Variants in USH2A observed in about 807,000 individuals in gnomAD.
The protein encoded by USH2A is Usher syndrome 2A (autosomal recessive, mild).
A neutral mutation model predicts 538.9 loss-of-function variants in USH2A; 443 were observed. The observed-to-expected ratio is 0.82, with a 90% CI of 0.76 to 0.89. USH2A has a LOEUF of 0.89. Among genes scored for constraint, USH2A ranks in the 40% least tolerant of loss-of-function variants. The pLI is 0.00. For missense variants in USH2A, 6,633 were observed against 6,324.8 expected, an observed-to-expected ratio of 1.05 and a Z score of -1.65; for synonymous variants, 2,413 against 2,273.5, an observed-to-expected ratio of 1.06 and a Z score of -1.75.
intron 3 of USH2A, among the ~76,000 whole-genome samples, chr1:216,403,114 G>A (rs1027374431): frequency 6.6e-6 from 1 of 152,086 alleles, no homozygotes; most frequent in African/African-American, 2.4e-5. Flanking sequence ...TTTCAGGTAT[G>A]TAAGGTTGGT....
At chr1:216,247,489 T>C (rs1464606410) in intron 12 of USH2A, among the ~76,000 whole-genome samples, 1 of 152,220 alleles carries the variant, frequency 6.6e-6, no homozygotes, top group African/African-American at 2.4e-5. Flanking sequence ...CAAATGTTGT[T>C]TCTGTTACAT....
At chr1:215,714,587 T>A (rs6656554) in intron 61 of USH2A, among the ~76,000 whole-genome samples, 1 of 152,020 alleles carries the variant, frequency 6.6e-6, no homozygotes, top group Non-Finnish European at 1.5e-5. Flanking sequence ...TAAAGGGCAA[T>A]TTATATCCTG....
At chr1:215,630,472 A>G (rs1170605259) in intron 70 of USH2A, among the ~76,000 whole-genome samples, 46 of 64,062 alleles carry the variant, frequency 7.2e-4, no homozygotes, top group South Asian at 2.8e-3. Flanking sequence ...ATGTATGTGT[A>G]TGTGTGTGTG....
intron 35 of USH2A, among the ~76,000 whole-genome samples, chr1:215,983,864 G>C (rs1394722769): frequency 6.6e-6 from 1 of 152,200 alleles, no homozygotes; most frequent in Non-Finnish European, 1.5e-5. Flanking sequence ...AGTTGGCTAG[G>C]AGCCAGTAAA....
intron 47 of USH2A, among the ~76,000 whole-genome samples, chr1:215,826,032 CAGTT>C (rs111499926): frequency 0.01 from 1,525 of 152,282 alleles, 20 homozygotes; most frequent in African/African-American, 0.035. Context: ...GCTTACTTCT[CAGTT>C]AGAGAATTCT....
rs147870753 is a variant in USH2A at position 215,746,258 on chromosome 1, C to A, written c.11390-2923G>T. ...TGTGTCTGAATGGTCCTAGTCTGAG[C>A]GAGTGTGGGTGTGTGTGTGTGCCCT... On this transcript the variant is annotated intron_variant, in intron 58 of 71. Coordinates refer to ENST00000307340, the MANE Select transcript of USH2A (RefSeq NM_206933.4). 7.0e-3 allele frequency among the ~76,000 whole-genome samples: 1,065 copies of A among 152,066 alleles called. 11 individuals are homozygous for A. Among genetic ancestry groups the A allele is most frequent in the African/African-American group, 0.024 (988 of 41,476 alleles).
intron 11 of USH2A, among the ~76,000 whole-genome samples, chr1:216,275,465 TTAAC>T (rs561092882): frequency 5.9e-5 from 9 of 152,110 alleles, no homozygotes; most frequent in South Asian, 2.1e-4. Flanking sequence ...CTCATTTGGC[TTAAC>T]TATCTGTTTT....
Position 215,790,281 on chromosome 1 carries a change from AC to A in USH2A, c.9959del (p.Gly3320ValfsTer10). ...EEGVVYNRLP[G>X]MFCCGQDYVN... ...CATAATCCTGCCCACAACAGAACAT[AC>A]CTGCAACAATAAAATGTTATATATG... On this transcript the variant is annotated frameshift_variant and splice_region_variant, in exon 51 of 72. Coordinates refer to ENST00000307340, the MANE Select transcript of USH2A (RefSeq NM_206933.4). LOFTEE classifies it high-confidence loss of function. The A allele has an allele frequency of 6.2e-7, 1 of 1,613,772 alleles. No individual in the cohort carries two copies. Among genetic ancestry groups the A allele is most frequent in the Non-Finnish European group, 8.5e-7 (1 of 1,179,910 alleles).
chr1:215,880,832 C>T (rs867092653), intron 41 of USH2A, among the ~76,000 whole-genome samples: 22 of 152,206 alleles, frequency 1.4e-4, no homozygotes, highest in Admixed American at 1.0e-3. Context: ...AGTCCTTGCC[C>T]ATGCCTATGT....
chr1:216,370,738 C>T (rs923338382), intron 3 of USH2A, among the ~76,000 whole-genome samples: 2 of 141,778 alleles, frequency 1.4e-5, no homozygotes, highest in Admixed American at 1.5e-4. Context: ...CTGGTGGTTT[C>T]AGAGACAGTT....
At chr1:216,101,925 T>A (rs1254248886) in intron 21 of USH2A, among the ~76,000 whole-genome samples, 1 of 152,226 alleles carries the variant, frequency 6.6e-6, no homozygotes, top group Admixed American at 6.5e-5. Flanking sequence ...ATGGAAATAT[T>A]TAACTTTCAA....
intron 19 of USH2A, among the ~76,000 whole-genome samples, chr1:216,191,848 T>A (rs887266607): frequency 3.9e-5 from 6 of 152,050 alleles, no homozygotes; most frequent in African/African-American, 1.4e-4. Context: ...CAAAATATTC[T>A]TTGTAGCAAG....
At chr1:215,823,855 C>T (rs1663082167) in intron 47 of USH2A, among the ~76,000 whole-genome samples, 1 of 151,990 alleles carries the variant, frequency 6.6e-6, no homozygotes, top group African/African-American at 2.4e-5. Context: ...AGATGTATTT[C>T]TCAGATCCAA....
rs183762344 is a variant in USH2A, at chr1:216,116,174, G to A, written c.4628-18961C>T. 9.9e-5 allele frequency among the ~76,000 whole-genome samples: 15 copies of A among 151,850 alleles called. No homozygotes were observed. The East Asian group carries it at 1.5e-3, about 16-fold the overall frequency. ...GTTTCATGTTTTATACCTCAAATAA[G>A]ATCCAGGTGCATGCATAGATACATG... On this transcript the variant is annotated intron_variant, in intron 21 of 71. Coordinates refer to ENST00000307340, the MANE Select transcript of USH2A (RefSeq NM_206933.4).
intron 67 of USH2A, among the ~76,000 whole-genome samples, chr1:215,644,278 G>C (rs963731410): frequency 9.9e-5 from 15 of 152,148 alleles, no homozygotes; most frequent in African/African-American, 3.4e-4. Flanking sequence ...TCTGTCTGGG[G>C]CCTGTCCAAT....
At chr1:216,152,413 G>T (rs560826367) in intron 21 of USH2A, among the ~76,000 whole-genome samples, 2 of 131,898 alleles carry the variant, frequency 1.5e-5, no homozygotes, top group Admixed American at 1.6e-4. Flanking sequence ...CCTTTTCCTG[G>T]CTCATCCTGG....
In USH2A at chr1:216,312,423, A is replaced by C. The variant is rs1284209669; in HGVS notation, c.1644+9460T>G. ...TCTTCTTCTTCTTCTTCCCCATTAT[A>C]TGTATTTACATTTTTGGTAGCTGTC... On this transcript the variant is annotated intron_variant, in intron 9 of 71. Transcript: ENST00000307340. 2.6e-5 allele frequency among the ~76,000 whole-genome samples: 4 copies of C among 151,688 alleles called. No individual in the cohort carries two copies. In the East Asian group the frequency reaches 7.7e-4, roughly 29 times the overall value.
At chr1:216,135,240 A>T (rs2102605783) in intron 21 of USH2A, among the ~76,000 whole-genome samples, 1 of 151,772 alleles carries the variant, frequency 6.6e-6, no homozygotes. Context: ...TTTAAAATGT[A>T]TTACCTGTAT....
At chr1:216,235,986 T>C (rs1198870215) in intron 13 of USH2A, among the ~76,000 whole-genome samples, 1 of 152,182 alleles carries the variant, frequency 6.6e-6, no homozygotes, top group African/African-American at 2.4e-5. Flanking sequence ...GTAAACTATA[T>C]TTCAGTATAG....
Sources: allele counts gnomAD v4.1 joint callset (sites outside exome capture counted in the v4.1 genomes callset), GRCh38; gene constraint gnomAD v4.1.1; transcripts MANE v1.5; gene names NCBI Gene and HGNC (gene_info 2026-07-23, HGNC 2026-07-21).